Variants in CCR3 observed in about 807,000 individuals in gnomAD.
CCR3 encodes the protein C-C chemokine receptor type 3.
For missense variants in CCR3, 419 were observed against 437.5 expected (o/e 0.96, Z 0.38); for synonymous variants, 203 against 179.2 (o/e 1.13, Z -1.06).
At chr3:46,220,011 G>C (rs962531398) in intron 2 of CCR3, among the ~76,000 whole-genome samples, 1 of 152,208 alleles carries the variant, frequency 6.6e-6, no homozygotes, top group African/African-American at 2.4e-5. Flanking sequence ...AAACTAAAAA[G>C]CTTCTGCATA....
intron 2 of CCR3, among the ~76,000 whole-genome samples, chr3:46,222,364 A>T (rs1699847240): frequency 6.6e-6 from 1 of 152,192 alleles, no homozygotes; most frequent in Non-Finnish European, 1.5e-5. Flanking sequence ...AGGGGCTGAC[A>T]GGCAGCCTGG....
At position 46,265,281 on chromosome 3, in the gene CCR3, C is replaced by T; in HGVS notation, c.123C>T (p.Tyr41=). Residue 41 remains tyrosine, a synonymous_variant, in exon 2 of 2, where the codon TAC becomes TAT. Transcript: ENST00000395940. ...TGGCCCAGTTTGTGCCCCCGCTGTACTCCCTGGTGTTCACTGTGGGCCTCT... is the reference window on the plus strand; with the variant it reads ...TGGCCCAGTTTGTGCCCCCGCTGTATTCCCTGGTGTTCACTGTGGGCCTCT... The part of the protein sequence containing the change: ...ALMAQFVPPL[Y]SLVFTVGLLG... 2 of 1,614,082 alleles carry T rather than the reference C, an allele frequency of 1.2e-6. No individual in the cohort carries two copies. The highest frequency in any genetic ancestry group is 1.7e-6 in the Non-Finnish European group (2 of 1,179,998).
chr3:46,242,360 T>C (rs1162316265), upstream of CCR3: 3 of 152,208 alleles, frequency 2.0e-5, no homozygotes, highest in Non-Finnish European at 4.4e-5. Context: ...CATTGTTTAC[T>C]ACTTTACTAA....
Position 46,266,278 on chromosome 3 carries a change from C to T in CCR3, c.*52C>T. On this transcript the variant is annotated 3_prime_UTR_variant, in exon 2 of 2. Transcript: ENST00000395940. ...GGAAGGACCAAGGAGATGAAGCAAA[C>T]ACATTAAGCCTTCCACACTCACCTC... is the stretch of plus-strand genomic sequence containing the variant. 1 of 1,159,598 alleles carries T rather than the reference C, an allele frequency of 8.6e-7. No individual in the cohort carries two copies. Among genetic ancestry groups the T allele is most frequent in the Non-Finnish European group, 1.3e-6 (1 of 795,306 alleles). 71.8% of individuals were successfully genotyped at this position (1,159,598 alleles called of 1,614,324 possible).
At chr3:46,253,640 A>G (rs1400815292) in intron 1 of CCR3, among the ~76,000 whole-genome samples, 1 of 150,778 alleles carries the variant, frequency 6.6e-6, no homozygotes, top group Non-Finnish European at 1.5e-5. Context: ...GTTTACATGC[A>G]GGAAGTTTCT....
chr3:46,217,729 T>C (rs952144466), intron 2 of CCR3, among the ~76,000 whole-genome samples: 33 of 151,956 alleles, frequency 2.2e-4, no homozygotes, highest in African/African-American at 8.0e-4. Context: ...GGGTTAACTA[T>C]AAAATCAAGA....
chr3:46,216,394 A>G (rs1362739654), intron 2 of CCR3, among the ~76,000 whole-genome samples: 2 of 152,202 alleles, frequency 1.3e-5, no homozygotes, highest in Non-Finnish European at 2.9e-5. Flanking sequence ...AAGAAAGGGA[A>G]TCTAAAACTT....
rs1307580493 is a variant in CCR3 at position 46,265,265 on chromosome 3, T to G, written c.107T>G (p.Phe36Cys). 7 of 1,613,934 alleles carry G rather than the reference T, an allele frequency of 4.3e-6. No homozygotes were observed. The East Asian group carries it at 1.3e-4, about 31-fold the overall frequency. Reference protein sequence around the residue: ...KADTRALMAQFVPPLYSLVFT... With the variant: ...KADTRALMAQCVPPLYSLVFT... ...GATACCAGAGCACTGATGGCCCAGT[T>G]TGTGCCCCCGCTGTACTCCCTGGTG... The change falls in exon 2 of 2, where the codon TTT (phenylalanine) becomes TGT (cysteine). Residue 36 changes from phenylalanine to cysteine, a missense_variant. Phe to Cys is a radical substitution (Grantham distance 205). Coordinates refer to ENST00000395940, the MANE Select transcript of CCR3 (RefSeq NM_178329.3).
chr3:46,233,717 C>T (rs978192827), intron 2 of CCR3, among the ~76,000 whole-genome samples: 1 of 152,180 alleles, frequency 6.6e-6, no homozygotes, highest in Non-Finnish European at 1.5e-5. Context: ...CAGGACAGAA[C>T]GAGCCATTCT....
chr3:46,252,169 CTTTTTTTTTT>C (rs58623050), intron 1 of CCR3, among the ~76,000 whole-genome samples: 2 of 86,846 alleles, frequency 2.3e-5, no homozygotes, highest in African/African-American at 4.3e-5. Flanking sequence ...TAGTTTCTGT[CTTTTTTTTTT>C]TTTTTTTTTT....
At chr3:46,221,496 C>T (rs556126138) in intron 2 of CCR3, among the ~76,000 whole-genome samples, 11 of 152,286 alleles carry the variant, frequency 7.2e-5, no homozygotes, top group South Asian at 2.1e-4. Flanking sequence ...ACATGCCCCC[C>T]GCAGCCCAAT....
chr3:46,223,973 C>T (rs982938177), intron 2 of CCR3, among the ~76,000 whole-genome samples: 7 of 152,132 alleles, frequency 4.6e-5, no homozygotes, highest in Admixed American at 4.6e-4. Context: ...GGGTAGAAAG[C>T]AGCATGAGTG....
chr3:46,211,197 CTT>C (rs757345795), intron 2 of CCR3, among the ~76,000 whole-genome samples: 9,054 of 128,414 alleles, frequency 0.071, 474 homozygotes, highest in South Asian at 0.28. Flanking sequence ...TGAGAATTTA[CTT>C]TTTTTTTTTT....
intron 1 of CCR3, among the ~76,000 whole-genome samples, chr3:46,245,502 AAAAAC>A (rs139915793): frequency 4.5e-4 from 69 of 151,948 alleles, no homozygotes; most frequent in South Asian, 1.0e-3. Context: ...AAAGGCATAC[AAAAAC>A]AAAACAAAAC....
chr3:46,231,565 C>T (rs1200018240), intron 2 of CCR3, among the ~76,000 whole-genome samples: 1 of 152,174 alleles, frequency 6.6e-6, no homozygotes, highest in Non-Finnish European at 1.5e-5. Context: ...CAGCATGGTG[C>T]CTCTAGCTAA....
At chr3:46,248,944 G>A (rs1401405212) in intron 1 of CCR3, among the ~76,000 whole-genome samples, 3 of 152,194 alleles carry the variant, frequency 2.0e-5, no homozygotes, top group African/African-American at 7.2e-5. Flanking sequence ...TTTAGGACAG[G>A]TAAAATGGGG....
chr3:46,250,786 T>G (rs1296138452), intron 1 of CCR3, among the ~76,000 whole-genome samples: 3 of 147,798 alleles, frequency 2.0e-5, no homozygotes, highest in Non-Finnish European at 4.5e-5. Flanking sequence ...AAAGAGAGAG[T>G]AGAGACATGG....
intron 1 of CCR3, among the ~76,000 whole-genome samples, chr3:46,247,379 C>T (rs943502411): frequency 6.6e-6 from 1 of 152,150 alleles, no homozygotes; most frequent in African/African-American, 2.4e-5. Flanking sequence ...TATACAGGAA[C>T]TTAAATGGGC....
chr3:46,250,136 A>T (rs1700277456), intron 1 of CCR3, among the ~76,000 whole-genome samples: 1 of 152,096 alleles, frequency 6.6e-6, no homozygotes. Context: ...CTGATTTGGG[A>T]TAAAGAAAAA....
Sources: gnomAD v4.1 joint callset for allele counts (sites outside exome capture counted in the v4.1 genomes callset) on GRCh38, gnomAD v4.1.1 for gene constraint, MANE v1.5 for transcripts, NCBI Gene and HGNC (gene_info 2026-07-23, HGNC 2026-07-21) for gene names.